The following ERBB4 variants were observed in gnomAD, a reference collection of about 807,000 sequenced individuals.
The protein encoded by ERBB4 is receptor tyrosine-protein kinase erbB-4.
ERBB4 carries 42 observed loss-of-function variants against 158.0 expected under a neutral mutation model. That is an observed-to-expected ratio of 0.27 (90% confidence interval 0.21 to 0.34). ERBB4 has a LOEUF of 0.34. Among genes scored for constraint, ERBB4 ranks in the 10% least tolerant of loss-of-function variants. The pLI, the probability that ERBB4 is intolerant of heterozygous loss-of-function variation, is 1.00. For synonymous variants in ERBB4, 583 were observed against 558.7 expected (o/e 1.04, Z -0.61); for missense variants, 1,333 against 1,624.1 (o/e 0.82, Z 3.08).
At chr2:212,488,494 G>A (rs1454434800) in intron 1 of ERBB4, among the ~76,000 whole-genome samples, 3 of 151,916 alleles carry the variant, frequency 2.0e-5, no homozygotes, top group Non-Finnish European at 4.4e-5. Flanking sequence ...TAATGCCTGG[G>A]AATAGTTTGT....
chr2:212,183,276 A>G (rs1171424687), intron 1 of ERBB4, among the ~76,000 whole-genome samples: 2 of 152,028 alleles, frequency 1.3e-5, no homozygotes, highest in Non-Finnish European at 2.9e-5. Context: ...TTGCAATTTT[A>G]CTATCATAAA....
rs151243480 is a variant in ERBB4 at position 211,978,396 on chromosome 2, GTCTATCTA to G, written c.235-30788_235-30781del. 1.2e-3 allele frequency among the ~76,000 whole-genome samples: 164 copies of G among 136,644 alleles called. 1 individual carries two copies. The highest frequency in any genetic ancestry group is 3.9e-3 in the African/African-American group (136 of 35,272). 89.6% of individuals were successfully genotyped at this position (136,644 alleles called of 152,430 possible). A position where few individuals can be genotyped will look rare whatever the true frequency, so the allele number is the denominator to read the frequency against. ...TGTCTGTCTGTCTGTCTGTCTGTCT[GTCTATCTA>G]TCTATCTATCTATCTATCTATCTAT... On this transcript the variant is annotated intron_variant, in intron 2 of 27. Transcript: ENST00000342788.
At chr2:211,489,603 T>C (rs2065288750) in intron 20 of ERBB4, among the ~76,000 whole-genome samples, 1 of 151,984 alleles carries the variant, frequency 6.6e-6, no homozygotes, top group African/African-American at 2.4e-5. Context: ...ATGTCAACAA[T>C]TTAATTATTT....
chr2:212,457,414 ATT>A (rs1688351013), intron 1 of ERBB4, among the ~76,000 whole-genome samples: 1 of 151,898 alleles, frequency 6.6e-6, no homozygotes, highest in Non-Finnish European at 1.5e-5. Context: ...ACTGTTCCAA[ATT>A]TTGTTATATA....
intron 13 of ERBB4, among the ~76,000 whole-genome samples, chr2:211,677,260 C>T (rs2072112337): frequency 6.6e-6 from 1 of 152,012 alleles, no homozygotes; most frequent in Non-Finnish European, 1.5e-5. Context: ...CTATACTTTC[C>T]AAAACTATTG....
Position 212,191,680 on chromosome 2 carries a change from GTTATACATGTTACATATAACACGTGT to G in ERBB4, c.83-66803_83-66778del, listed in dbSNP as rs2082220437. ...GTTATACATGTCATATATCGCGTGT[GTTATACATGTTACATATAACACGTGT>G]TATACATGTTACATATAACACGTGT... On this transcript the variant is annotated intron_variant, in intron 1 of 27. Transcript: ENST00000342788. Among the ~76,000 whole-genome samples the G allele has an allele frequency of 5.8e-5, 3 of 51,826 alleles. 1 individual carries two copies. The highest frequency in any genetic ancestry group is 1.6e-4 in the African/African-American group (3 of 18,720). The allele number at this position is 51,826 out of a possible 152,430, so 34.0% of individuals were successfully genotyped here. A position where few individuals can be genotyped will look rare whatever the true frequency, so the allele number is the denominator to read the frequency against.
chr2:211,630,144 T>G (rs2070047992), intron 17 of ERBB4, among the ~76,000 whole-genome samples: 1 of 152,182 alleles, frequency 6.6e-6, no homozygotes, highest in African/African-American at 2.4e-5. Flanking sequence ...ATGCAGATAT[T>G]TTCTAGATCT....
At chr2:212,511,007 A>G (rs2106278321) in intron 1 of ERBB4, among the ~76,000 whole-genome samples, 1 of 152,264 alleles carries the variant, frequency 6.6e-6, no homozygotes, top group South Asian at 2.1e-4. Flanking sequence ...ATGGAATGCA[A>G]TGATATATGT....
At chr2:212,146,531 C>G (rs953939581) in intron 1 of ERBB4, among the ~76,000 whole-genome samples, 1 of 152,036 alleles carries the variant, frequency 6.6e-6, no homozygotes, top group Non-Finnish European at 1.5e-5. Flanking sequence ...ACTTGAGGAC[C>G]AAGTGTCGCC....
rs554522067 is a variant in ERBB4, at chr2:211,682,009, G to A, written c.1490-2825C>T. On this transcript the variant is annotated intron_variant, in intron 12 of 27. Coordinates refer to ENST00000342788, the MANE Select transcript of ERBB4 (RefSeq NM_005235.3). ...CACATATGGTACTGTATTAGTCATG[G>A]TTCTCCAGAAAACCAGAACCATTAA... Among the ~76,000 whole-genome samples the A allele has an allele frequency of 2.0e-5, 3 of 149,408 alleles. No individual in the cohort carries two copies. The South Asian group carries it at 6.3e-4, about 31-fold the overall frequency.
At chr2:212,134,192 G>GTT (rs34718063) in intron 1 of ERBB4, among the ~76,000 whole-genome samples, 10 of 151,162 alleles carry the variant, frequency 6.6e-5, no homozygotes, top group African/African-American at 1.7e-4. Flanking sequence ...GTTTTGAGAA[G>GTT]TTTTTTTTTA....
intron 19 of ERBB4, among the ~76,000 whole-genome samples, chr2:211,596,065 A>C (rs2068621058): frequency 6.6e-6 from 1 of 152,204 alleles, no homozygotes; most frequent in Non-Finnish European, 1.5e-5. Context: ...ATCATATTTC[A>C]AGAAAATTAT....
At chr2:211,937,698 C>G (rs1306226047) in intron 3 of ERBB4, among the ~76,000 whole-genome samples, 1 of 152,046 alleles carries the variant, frequency 6.6e-6, no homozygotes, top group African/African-American at 2.4e-5. Context: ...ATAAAACCAT[C>G]AGCTCTTGTG....
intron 3 of ERBB4, among the ~76,000 whole-genome samples, chr2:211,828,576 T>G (rs1427476898): frequency 3.3e-5 from 5 of 152,070 alleles, no homozygotes; most frequent in African/African-American, 4.8e-5. Context: ...TTACATTTTT[T>G]TGTCACTGTT....
intron 3 of ERBB4, among the ~76,000 whole-genome samples, chr2:211,919,969 C>G (rs2079813181): frequency 6.6e-6 from 1 of 151,950 alleles, no homozygotes; most frequent in African/African-American, 2.4e-5. Context: ...GTACAGAAAA[C>G]TATTCCATCT....
At chr2:212,226,762 A>T (rs1210690496) in intron 1 of ERBB4, among the ~76,000 whole-genome samples, 1 of 152,158 alleles carries the variant, frequency 6.6e-6, no homozygotes, top group Non-Finnish European at 1.5e-5. Flanking sequence ...TGCAAAAATA[A>T]ATAAATGGAA....
chr2:211,566,326 A>G (rs985574303), intron 19 of ERBB4, among the ~76,000 whole-genome samples: 1 of 152,220 alleles, frequency 6.6e-6, no homozygotes, highest in African/African-American at 2.4e-5. Context: ...CGATCACTGT[A>G]CAGGGAGACT....
At chr2:211,449,829 A>C (rs979094589) in intron 20 of ERBB4, among the ~76,000 whole-genome samples, 1 of 152,180 alleles carries the variant, frequency 6.6e-6, no homozygotes, top group Non-Finnish European at 1.5e-5. Context: ...TTAGAAGAAG[A>C]GCAGAACAAG....
chr2:211,773,619 TATATATATATATATATATATATATATATA>T (rs1559505983), intron 4 of ERBB4, among the ~76,000 whole-genome samples: 3 of 58,052 alleles, frequency 5.2e-5, no homozygotes, highest in Admixed American at 1.5e-4. Context: ...TATATATATA[TATATATATATATATATATATATATATATA>T]ATATATATAC....
Sources: gnomAD v4.1 joint callset for allele counts (sites outside exome capture counted in the v4.1 genomes callset) on GRCh38, gnomAD v4.1.1 for gene constraint, MANE v1.5 for transcripts, NCBI Gene and HGNC (gene_info 2026-07-23, HGNC 2026-07-21) for gene names.